PLEKHF1: variants seen among roughly 807,000 people sequenced by gnomAD.
The protein encoded by PLEKHF1 is pleckstrin homology domain-containing family F member 1.
In PLEKHF1, 1 loss-of-function variant was observed where a neutral mutation model predicts 4.1. The ratio of observed to expected loss-of-function variants is 0.24; its 90% CI spans 0.09 to 1.15. The LOEUF (loss-of-function observed/expected upper bound fraction) is 1.15, where lower values mean the gene tolerates loss of function less well. Ranked by LOEUF, PLEKHF1 falls within the 50% of genes most tolerant of loss-of-function variation. The pLI is 0.52. For synonymous variants in PLEKHF1, 182 were observed against 178.5 expected (o/e 1.02, Z -0.16); for missense variants, 429 against 400.6 (o/e 1.07, Z -0.60).
intron 1 of PLEKHF1, among the ~76,000 whole-genome samples, chr19:29,672,316 G>A (rs1300170171): frequency 1.3e-5 from 2 of 152,128 alleles, no homozygotes; most frequent in East Asian, 1.9e-4. Context: ...ATAAATGAAC[G>A]AATGTGGCTG....
chr19:29,669,790 A>G (rs528529155), intron 1 of PLEKHF1, among the ~76,000 whole-genome samples: 3 of 152,162 alleles, frequency 2.0e-5, no homozygotes, highest in Non-Finnish European at 4.4e-5. Context: ...TGAGCCCTCC[A>G]TTCCTGGTCA....
Position 29,674,124 on chromosome 19 carries a change from G to C in PLEKHF1, c.285G>C (p.Gln95His). Residue 95 changes from glutamine (Q) to histidine (H), a missense_variant, in exon 2 of 2, where the codon CAG becomes CAC. By Grantham distance (24) the Gln-to-His change is conservative. Coordinates refer to ENST00000436066, the MANE Select transcript of PLEKHF1 (RefSeq NM_024310.5). ...VTLELLPETLQAKNRWMIKTA... is the reference protein window; with the variant it reads ...VTLELLPETLHAKNRWMIKTA... ...TGGAGCTGTTGCCGGAGACGCTGCA[G>C]GCCAAGAACCGCTGGATGATCAAGA... is the stretch of plus-strand genomic sequence containing the variant. 6.2e-7 allele frequency: 1 copy of C among 1,613,936 alleles called. No individual in the cohort carries two copies. Among genetic ancestry groups the C allele is most frequent in the African/African-American group, 1.3e-5 (1 of 75,072 alleles).
intron 1 of PLEKHF1, among the ~76,000 whole-genome samples, chr19:29,667,631 C>A (rs1422769814): frequency 6.6e-6 from 1 of 151,892 alleles, no homozygotes; most frequent in African/African-American, 2.4e-5. Flanking sequence ...ACAGCCCCCA[C>A]CCCATCCCCC....
rs1971665096 is a variant in PLEKHF1, at chr19:29,674,073, C to T, written c.234C>T (p.His78=). Residue 78 remains histidine, a synonymous_variant, in exon 2 of 2, where the codon CAC becomes CAT. Coordinates refer to ENST00000436066, the MANE Select transcript of PLEKHF1 (RefSeq NM_024310.5). ...ACAAGCGCAAGTACCGCAGCCAGCA[C>T]ATCATCCCCCTGGAGGAGGTCACAC... The part of the protein sequence containing the change: ...VLNKRKYRSQ[H]IIPLEEVTLE... The T allele has an allele frequency of 6.2e-7, 1 of 1,614,000 alleles. No homozygotes were observed. Among genetic ancestry groups the T allele is most frequent in the South Asian group, 1.1e-5 (1 of 91,096 alleles).
At position 29,674,184 on chromosome 19, in the gene PLEKHF1, C is replaced by G; in HGVS notation, c.345C>G (p.Ser115=). 6.2e-7 allele frequency: 1 copy of G among 1,613,240 alleles called. No homozygotes were observed. Among genetic ancestry groups the G allele is most frequent in the Non-Finnish European group, 8.5e-7 (1 of 1,179,880 alleles). Residue 115 remains serine (S), a synonymous_variant, in exon 2 of 2, where the codon TCC becomes TCG. Coordinates refer to ENST00000436066, the MANE Select transcript of PLEKHF1 (RefSeq NM_024310.5). ...AGTCCTTTGTGGTGTCGGCCGCCTC[C>G]GCTACGGAGCGCCAGGAATGGATTA... ...AKKSFVVSAA[S]ATERQEWISH...
rs774850981 is a variant in PLEKHF1, at chr19:29,674,023, C to G, written c.184C>G (p.Leu62Val). The change falls in exon 2 of 2, where the codon CTG (leucine) becomes GTG (valine). Residue 62 changes from leucine (L) to valine (V), a missense_variant. By Grantham distance (32) the Leu-to-Val change is conservative. Transcript: ENST00000436066. The stretch of plus-strand genomic sequence containing the variant: ...CATCTTCTTCCTCTTTAACGACATC[C>G]TGGTGTATGGCAGCATCGTGCTCAA... ...PRIFFLFNDI[L>V]VYGSIVLNKR... 24 of 1,614,170 alleles carry G rather than the reference C, an allele frequency of 1.5e-5. No individual in the cohort carries two copies. Among genetic ancestry groups the G allele is most frequent in the Non-Finnish European group, 2.0e-5 (24 of 1,180,010 alleles).
intron 1 of PLEKHF1, 75 bp downstream of exon 1, chr19:29,665,580 C>T (rs938485298): frequency 1.6e-6 from 2 of 1,238,054 alleles, no homozygotes; most frequent in East Asian, 8.2e-5. Flanking sequence ...CCCATCACCA[C>T]CCCCGGACAA....
intron 1 of PLEKHF1, chr19:29,665,760 A>T: frequency 9.3e-7 from 1 of 1,073,588 alleles, no homozygotes. Flanking sequence ...CCGAGGCGGA[A>T]TCCCCGGGGA....
At chr19:29,667,346 T>C (rs962544538) in intron 1 of PLEKHF1, among the ~76,000 whole-genome samples, 7 of 152,336 alleles carry the variant, frequency 4.6e-5, no homozygotes, top group African/African-American at 1.7e-4. Context: ...TGTGCATTCC[T>C]GAAGGGCCTG....
At chr19:29,670,571 T>C (rs1332142565) in intron 1 of PLEKHF1, among the ~76,000 whole-genome samples, 1 of 152,234 alleles carries the variant, frequency 6.6e-6, no homozygotes, top group Non-Finnish European at 1.5e-5. Flanking sequence ...CTATTGTGAA[T>C]GATGCTGATA....
At chr19:29,672,449 C>G (rs1971641116) in intron 1 of PLEKHF1, among the ~76,000 whole-genome samples, 1 of 152,116 alleles carries the variant, frequency 6.6e-6, no homozygotes. Context: ...CAGGGAGAAC[C>G]CTTTCAAAAA....
Position 29,671,009 on chromosome 19 carries a change from C to T in PLEKHF1, c.-16-2815C>T, listed in dbSNP as rs962888173. 2.6e-5 allele frequency among the ~76,000 whole-genome samples: 4 copies of T among 152,136 alleles called. No homozygotes were observed. The highest frequency in any genetic ancestry group is 9.7e-5 in the African/African-American group (4 of 41,432). On this transcript the variant is annotated intron_variant, in intron 1 of 1. Coordinates refer to ENST00000436066, the MANE Select transcript of PLEKHF1 (RefSeq NM_024310.5). This position sits in a 1 kb window ranked among gnomAD's most constrained non-coding sequence, Gnocchi z 4.0. ...CATGCTGTTTTCCTTAGGGGCTGCA[C>T]CAGTTCCTATTCTCATCAGCAGTGC...
chr19:29,667,349 A>C (rs58783121), intron 1 of PLEKHF1, among the ~76,000 whole-genome samples: 4 of 152,212 alleles, frequency 2.6e-5, no homozygotes, highest in Non-Finnish European at 5.9e-5. Flanking sequence ...GCATTCCTGA[A>C]GGGCCTGGTC....
In PLEKHF1 at chr19:29,674,562, G is replaced by T. The variant is rs143273878; in HGVS notation, c.723G>T (p.Ala241=). ...ACCTGGCCCGGCCCATCTGCGGAGC[G>T]TCCAGTGGAGATGACGATGACTCCG... is the stretch of plus-strand genomic sequence containing the variant. ...PAHLARPICG[A]SSGDDDDSDE... Residue 241 remains alanine (A), a synonymous_variant, in exon 2 of 2, where the codon GCG becomes GCT. Coordinates refer to ENST00000436066, the MANE Select transcript of PLEKHF1 (RefSeq NM_024310.5). The T allele has an allele frequency of 1.3e-4, 212 of 1,597,474 alleles. No homozygotes were observed. The African/African-American group carries it at 2.7e-3, about 20-fold the overall frequency.
At position 29,671,586 on chromosome 19, in the gene PLEKHF1, A is replaced by G. The variant is rs1971632234; in HGVS notation, c.-16-2238A>G. On this transcript the variant is annotated intron_variant, in intron 1 of 1. Coordinates refer to ENST00000436066, the MANE Select transcript of PLEKHF1 (RefSeq NM_024310.5). This position sits in a 1 kb window ranked among gnomAD's most constrained non-coding sequence, Gnocchi z 4.0. ...GTGATCAGTCATGGTGGGACAGGTC[A>G]GTTCTGTCACTGGTAATCCCCTAGG... Among the ~76,000 whole-genome samples the G allele has an allele frequency of 1.3e-5, 2 of 152,166 alleles. No individual in the cohort carries two copies. The highest frequency in any genetic ancestry group is 4.1e-4 in the South Asian group (2 of 4,830).
Position 29,674,250 on chromosome 19 carries a change from G to A in PLEKHF1, c.411G>A (p.Thr137=), listed in dbSNP as rs750823384. 12 of 1,608,392 alleles carry A rather than the reference G, an allele frequency of 7.5e-6. No individual in the cohort carries two copies. The highest frequency in any genetic ancestry group is 1.3e-5 in the African/African-American group (1 of 75,016). Residue 137 remains threonine, a synonymous_variant, in exon 2 of 2, where the codon ACG becomes ACA. Coordinates refer to ENST00000436066, the MANE Select transcript of PLEKHF1 (RefSeq NM_024310.5). ...EECVRRQLRA[T]GRPPSTEHAA... Reference sequence around the variant, plus strand: ...GCGTGCGGCGGCAACTGAGGGCCACGGGCCGCCCGCCCAGCACGGAGCACG... The same window carrying A: ...GCGTGCGGCGGCAACTGAGGGCCACAGGCCGCCCGCCCAGCACGGAGCACG...
rs1448333567 is a variant in PLEKHF1, at chr19:29,675,262, G to C, written c.*583G>C. ...CCACCAGGCCCAGGGACTGCAGCCT[G>C]AGCTCCCCGAGGCCCAGGGCAGCCG... On this transcript the variant is annotated 3_prime_UTR_variant, in exon 2 of 2. Transcript: ENST00000436066. 6 of 167,322 alleles carry C rather than the reference G, an allele frequency of 3.6e-5. No individual in the cohort carries two copies. The highest frequency in any genetic ancestry group is 8.8e-5 in the Non-Finnish European group (6 of 68,344). The allele number at this position is 167,322 out of a possible 1,614,324, so 10.4% of individuals were successfully genotyped here.
At position 29,671,711 on chromosome 19, in the gene PLEKHF1, A is replaced by G. The variant is rs1971633367; in HGVS notation, c.-16-2113A>G. ...AGGACACTTGTGATCTGCAGGGGCAAGTGGAACGGGACTCGAGGGCCCAGC... is the reference window on the plus strand; with the variant it reads ...AGGACACTTGTGATCTGCAGGGGCAGGTGGAACGGGACTCGAGGGCCCAGC... On this transcript the variant is annotated intron_variant, in intron 1 of 1. Coordinates refer to ENST00000436066, the MANE Select transcript of PLEKHF1 (RefSeq NM_024310.5). This position sits in a 1 kb window ranked among gnomAD's most constrained non-coding sequence, Gnocchi z 4.0. 6.6e-6 allele frequency among the ~76,000 whole-genome samples: 1 copy of G among 152,150 alleles called. No individual in the cohort carries two copies. Among genetic ancestry groups the G allele is most frequent in the Non-Finnish European group, 1.5e-5 (1 of 68,036 alleles).
At chr19:29,667,754 G>A (rs1971585396) in intron 1 of PLEKHF1, among the ~76,000 whole-genome samples, 2 of 152,180 alleles carry the variant, frequency 1.3e-5, no homozygotes, top group Admixed American at 6.5e-5. Context: ...ACTCCCGTCA[G>A]GACAGTACCT....
Sources: allele counts gnomAD v4.1 joint callset (sites outside exome capture counted in the v4.1 genomes callset), GRCh38; gene constraint gnomAD v4.1.1; non-coding constraint Gnocchi (gnomAD v3.1); transcripts MANE v1.5; gene names NCBI Gene and HGNC (gene_info 2026-07-23, HGNC 2026-07-21).